TNR: variants seen among roughly 807,000 people sequenced by gnomAD.
TNR encodes tenascin-R.
TNR carries 45 observed loss-of-function variants against 150.4 expected under a neutral mutation model. That is an observed-to-expected ratio of 0.30 (90% CI 0.24 to 0.38). The LOEUF is 0.38. TNR is among the 10% of genes least tolerant of loss of function. TNR has a pLI of 1.00. For synonymous variants in TNR, 687 were observed against 678.4 expected (o/e 1.01, Z -0.20); for missense variants, 1,544 against 1,759.1 (o/e 0.88, Z 2.19).
chr1:175,601,069 C>T (rs1478268826), intron 1 of TNR, among the ~76,000 whole-genome samples: 1 of 152,182 alleles, frequency 6.6e-6, no homozygotes, highest in Non-Finnish European at 1.5e-5. Flanking sequence ...CATATTTATA[C>T]AGATTTATAT....
At chr1:175,612,207 T>C (rs1663620862) in intron 1 of TNR, among the ~76,000 whole-genome samples, 1 of 152,172 alleles carries the variant, frequency 6.6e-6, no homozygotes, top group Non-Finnish European at 1.5e-5. Flanking sequence ...ACCTCCTCTG[T>C]TAATCTCAGA....
At chr1:175,571,167 G>A (rs774672957) in intron 1 of TNR, among the ~76,000 whole-genome samples, 7 of 152,106 alleles carry the variant, frequency 4.6e-5, no homozygotes, top group Admixed American at 1.3e-4. Flanking sequence ...CCATGACCTT[G>A]GCCCAGTTGA....
At chr1:175,467,025 C>T (rs578136670) in intron 2 of TNR, among the ~76,000 whole-genome samples, 5 of 152,158 alleles carry the variant, frequency 3.3e-5, no homozygotes, top group East Asian at 1.9e-4. Flanking sequence ...GATTCCAGGG[C>T]CTGGCAAATG....
chr1:175,429,948 G>A (rs1012105792), intron 2 of TNR, among the ~76,000 whole-genome samples: 34 of 151,976 alleles, frequency 2.2e-4, no homozygotes, highest in African/African-American at 7.2e-4. Flanking sequence ...CAGCACACTC[G>A]CCTGCCAACC....
At chr1:175,376,125 G>A (rs184448345) in intron 9 of TNR, among the ~76,000 whole-genome samples, 1 of 152,176 alleles carries the variant, frequency 6.6e-6, no homozygotes, top group East Asian at 1.9e-4. Flanking sequence ...GGGGGAAGAG[G>A]CCTCCAACAT....
chr1:175,656,136 G>T (rs1317575562), intron 1 of TNR, among the ~76,000 whole-genome samples: 1 of 145,700 alleles, frequency 6.9e-6, no homozygotes, highest in African/African-American at 2.6e-5. Flanking sequence ...GGGGAGGAAG[G>T]TTGAAGTGTG....
At position 175,621,389 on chromosome 1, in the gene TNR, C is replaced by T. The variant is rs79537393; in HGVS notation, c.-164-93020G>A. Among the ~76,000 whole-genome samples, 201 of 152,244 alleles carry T rather than the reference C, an allele frequency of 1.3e-3. No homozygotes were observed. The East Asian group carries it at 0.032, about 24-fold the overall frequency. Reference sequence around the variant, plus strand: ...TGGCCCCATCTGACCCTCCTTGCTTCCCTTCATGGATCTGACACCCCCACC... The same window carrying T: ...TGGCCCCATCTGACCCTCCTTGCTTTCCTTCATGGATCTGACACCCCCACC... On this transcript the variant is annotated intron_variant, in intron 1 of 22. Coordinates refer to ENST00000367674, the MANE Select transcript of TNR (RefSeq NM_003285.3).
intron 1 of TNR, among the ~76,000 whole-genome samples, chr1:175,696,836 GC>G (rs1423188021): frequency 5.4e-5 from 8 of 148,818 alleles, no homozygotes; most frequent in Non-Finnish European, 1.0e-4. Context: ...CCGAGATCGT[GC>G]CATTGCACTT....
At chr1:175,710,351 G>A (rs2101935203) in intron 1 of TNR, among the ~76,000 whole-genome samples, 1 of 152,284 alleles carries the variant, frequency 6.6e-6, no homozygotes, top group African/African-American at 2.4e-5. Flanking sequence ...GGAGCAGGCT[G>A]TAAAGGGTGG....
At chr1:175,553,490 A>G (rs1571598388) in intron 1 of TNR, among the ~76,000 whole-genome samples, 2 of 152,240 alleles carry the variant, frequency 1.3e-5, no homozygotes, top group African/African-American at 4.8e-5. Flanking sequence ...AACTCTATCC[A>G]CCACATCATC....
intron 2 of TNR, among the ~76,000 whole-genome samples, chr1:175,434,001 GC>G: frequency 6.6e-6 from 1 of 152,256 alleles, no homozygotes. Flanking sequence ...TTACTCCTTT[GC>G]CTTCTCAGTT....
rs2102054164 is a variant in TNR, at chr1:175,412,817, G to C, written c.-63-6040C>G. ...TTTCTCACTTTCTCTGAGCCCTGCTGAAGGGGGAAGTGAAACTAATGTTTA... is the reference window on the plus strand; with the variant it reads ...TTTCTCACTTTCTCTGAGCCCTGCTCAAGGGGGAAGTGAAACTAATGTTTA... On this transcript the variant is annotated intron_variant, in intron 2 of 22. Transcript: ENST00000367674. 3.9e-5 allele frequency among the ~76,000 whole-genome samples: 6 copies of C among 152,336 alleles called. No individual in the cohort carries two copies. The Middle Eastern group carries it at 0.02, about 518-fold the overall frequency.
intron 2 of TNR, among the ~76,000 whole-genome samples, chr1:175,491,790 T>C (rs564577887): frequency 2.0e-4 from 30 of 151,864 alleles, no homozygotes; most frequent in Non-Finnish European, 2.6e-4. Flanking sequence ...GCTGGGACTA[T>C]AGGCACCCAC....
rs1324620733 is a variant in TNR, at chr1:175,323,346, C to A, written c.*11G>T. 6.2e-7 allele frequency: 1 copy of A among 1,611,568 alleles called. No homozygotes were observed. Among genetic ancestry groups the A allele is most frequent in the Non-Finnish European group, 8.5e-7 (1 of 1,179,196 alleles). On this transcript the variant is annotated 3_prime_UTR_variant, in exon 23 of 23. Transcript: ENST00000367674. Reference sequence around the variant, plus strand: ...ACAGAAAATATTGGTTGGCTTGCAGCCGCCCACTGCTCAGAACTGTAAGGA... The same window carrying A: ...ACAGAAAATATTGGTTGGCTTGCAGACGCCCACTGCTCAGAACTGTAAGGA...
chr1:175,466,489 T>C (rs1298279359), intron 2 of TNR, among the ~76,000 whole-genome samples: 2 of 152,226 alleles, frequency 1.3e-5, no homozygotes, highest in African/African-American at 2.4e-5. Context: ...CCAGTCTTTC[T>C]GGGCTTGGAA....
intron 1 of TNR, among the ~76,000 whole-genome samples, chr1:175,675,464 TTG>T (rs1413855854): frequency 6.6e-6 from 1 of 152,174 alleles, no homozygotes; most frequent in Admixed American, 6.5e-5. Context: ...CACAATCGCA[TTG>T]TGTGAGTGTG....
intron 1 of TNR, among the ~76,000 whole-genome samples, chr1:175,689,301 A>T (rs898291850): frequency 6.6e-6 from 1 of 152,200 alleles, no homozygotes; most frequent in Admixed American, 6.5e-5. Context: ...TTGCTAAAAC[A>T]TGTCACAAAG....
At chr1:175,432,539 T>A (rs988630114) in intron 2 of TNR, among the ~76,000 whole-genome samples, 3 of 151,834 alleles carry the variant, frequency 2.0e-5, no homozygotes, top group Non-Finnish European at 4.4e-5. Flanking sequence ...TTGTTCTTGT[T>A]CCCCATTATT....
At chr1:175,330,588 A>G (rs897548333) in intron 20 of TNR, 4 of 181,452 alleles carry the variant, frequency 2.2e-5, no homozygotes, top group African/African-American at 4.7e-5. Flanking sequence ...TACAAGAGGT[A>G]TTACATGGAT....
Sources: gnomAD v4.1 joint callset for allele counts (sites outside exome capture counted in the v4.1 genomes callset) on GRCh38, gnomAD v4.1.1 for gene constraint, MANE v1.5 for transcripts, NCBI Gene and HGNC (gene_info 2026-07-23, HGNC 2026-07-21) for gene names.